Variants in IQSEC3 observed in about 807,000 individuals in gnomAD.
IQSEC3 encodes the protein IQ motif and Sec7 domain ArfGEF 3.
In IQSEC3, 50 loss-of-function variants were observed where a neutral mutation model predicts 105.4. That is an observed-to-expected ratio of 0.47 (90% confidence interval 0.38 to 0.60). The LOEUF (loss-of-function observed/expected upper bound fraction) is 0.60. IQSEC3 is among the 20% of genes least tolerant of loss of function. IQSEC3 has a pLI of 0.00. For synonymous variants in IQSEC3, 708 were observed against 746.0 expected, an observed-to-expected ratio of 0.95 and a Z score of 0.83; for missense variants, 1,415 against 1,630.0, an observed-to-expected ratio of 0.87 and a Z score of 2.27.
chr12:88,624 C>T (rs1555072651), intron 1 of IQSEC3, among the ~76,000 whole-genome samples: 3 of 152,190 alleles, frequency 2.0e-5, no homozygotes, highest in African/African-American at 4.8e-5. Context: ...TGGATACCAA[C>T]AGGCCAATGT....
intron 1 of IQSEC3, among the ~76,000 whole-genome samples, chr12:85,890 T>C (rs557927798): frequency 6.6e-6 from 1 of 152,322 alleles, no homozygotes; most frequent in Admixed American, 6.5e-5. Context: ...TCCAGGCATG[T>C]GCATGTTTCA....
chr12:92,730 T>C (rs1276368502), intron 1 of IQSEC3, among the ~76,000 whole-genome samples: 3 of 152,120 alleles, frequency 2.0e-5, no homozygotes, highest in African/African-American at 7.2e-5. Context: ...CACAATGAAA[T>C]AGGGATGCAG....
At position 125,771 on chromosome 12, in the gene IQSEC3, G is replaced by A; in HGVS notation, c.762G>A (p.Gly254=). 1.3e-6 allele frequency: 2 copies of A among 1,513,362 alleles called. No homozygotes were observed. Among genetic ancestry groups the A allele is most frequent in the Non-Finnish European group, 1.8e-6 (2 of 1,137,476 alleles). The allele number at this position is 1,513,362 out of a possible 1,614,324, so 93.7% of individuals were successfully genotyped here. The part of the protein sequence containing the change: ...QELQEEEERP[G]AGAASPRAGP... ...TGCAGGAGGAGGAGGAGCGGCCGGG[G>A]GCAGGGGCTGCCTCCCCAAGGGCTG... Residue 254 remains glycine (G), a synonymous_variant, in exon 3 of 14, where the codon GGG becomes GGA. Coordinates refer to ENST00000538872, the MANE Select transcript of IQSEC3 (RefSeq NM_001170738.2).
intron 13 of IQSEC3, among the ~76,000 whole-genome samples, chr12:172,601 G>C (rs943197446): frequency 7.2e-5 from 11 of 152,164 alleles, no homozygotes; most frequent in African/African-American, 2.7e-4. Flanking sequence ...GCCTCAGCTG[G>C]ACCCCAGGCT....
At chr12:99,398 C>T (rs563024384) in intron 2 of IQSEC3, among the ~76,000 whole-genome samples, 184 bp downstream of exon 2, 8 of 152,306 alleles carry the variant, frequency 5.3e-5, no homozygotes, top group East Asian at 1.9e-4. Context: ...CCAAATGAGC[C>T]GTTCCCAACT....
At chr12:170,817 C>A (rs972544075) in intron 12 of IQSEC3, among the ~76,000 whole-genome samples, 14 of 152,242 alleles carry the variant, frequency 9.2e-5, no homozygotes, top group African/African-American at 3.4e-4. Context: ...AGGCCCCCTC[C>A]AAGCCTTTTA....
intron 2 of IQSEC3, among the ~76,000 whole-genome samples, chr12:103,090 G>A (rs1009326819): frequency 6.6e-5 from 10 of 152,050 alleles, no homozygotes; most frequent in Non-Finnish European, 8.8e-5. Flanking sequence ...CCTACCGACC[G>A]CCTCCCTGCT....
rs1939243523 is a variant in IQSEC3 at position 176,568 on chromosome 12, G to C, written c.*1535G>C. ...CGCCTGCAGTAGCCGGGCCAGGTAG[G>C]AGGCAAGGATCATTCCCTGCTCCCA... On this transcript the variant is annotated 3_prime_UTR_variant, in exon 14 of 14. Transcript: ENST00000538872. The surrounding 1 kb of genome is among the most constrained non-coding windows in gnomAD (Gnocchi z 4.0). The C allele has an allele frequency of 6.6e-6, 1 of 152,240 alleles. No individual in the cohort carries two copies. The highest frequency in any genetic ancestry group is 2.1e-4 in the South Asian group (1 of 4,832). 9.4% of individuals were successfully genotyped at this position (152,240 alleles called of 1,614,324 possible). A position where few individuals can be genotyped will look rare whatever the true frequency, so the allele number is the denominator to read the frequency against.
At chr12:149,653 C>G (rs1866426628) in intron 5 of IQSEC3, among the ~76,000 whole-genome samples, 1 of 152,176 alleles carries the variant, frequency 6.6e-6, no homozygotes. Context: ...GTGGGGAAGA[C>G]AGGCAGGCAA....
chr12:161,628 G>T (rs1242539980), intron 7 of IQSEC3, among the ~76,000 whole-genome samples: 1 of 152,220 alleles, frequency 6.6e-6, no homozygotes, highest in Non-Finnish European at 1.5e-5. Context: ...GGAACATGGA[G>T]GCTGTATCTG....
At chr12:158,850 G>C (rs1425005503) in intron 7 of IQSEC3, among the ~76,000 whole-genome samples, 2 of 152,144 alleles carry the variant, frequency 1.3e-5, no homozygotes, top group Non-Finnish European at 2.9e-5. Flanking sequence ...GAACAGATGA[G>C]GTTTCACCAT....
intron 1 of IQSEC3, among the ~76,000 whole-genome samples, chr12:87,235 T>C (rs1863946653): frequency 6.6e-6 from 1 of 152,118 alleles, no homozygotes; most frequent in East Asian, 1.9e-4. Context: ...GCTGTCAAGC[T>C]GGGGATGGCT....
At chr12:74,087 A>G (rs1555068376) in intron 1 of IQSEC3, among the ~76,000 whole-genome samples, 1 of 152,218 alleles carries the variant, frequency 6.6e-6, no homozygotes, top group Non-Finnish European at 1.5e-5. Context: ...TTACAGTCTC[A>G]TCTAGGAGAA....
chr12:134,739 A>C (rs1434565672), intron 3 of IQSEC3, among the ~76,000 whole-genome samples: 1 of 151,030 alleles, frequency 6.6e-6, no homozygotes, highest in African/African-American at 2.4e-5. Context: ...TACTAAAAAA[A>C]ATACAAAAGT....
chr12:112,234 T>C (rs976230169), intron 2 of IQSEC3, among the ~76,000 whole-genome samples: 8 of 130,758 alleles, frequency 6.1e-5, no homozygotes, highest in African/African-American at 2.3e-4. Context: ...TGTAGGCTAG[T>C]AAACTTTCAT....
rs1301588046 is a variant in IQSEC3 at position 174,660 on chromosome 12, G to A, written c.3176G>A (p.Gly1059Glu). 1.9e-6 allele frequency: 3 copies of A among 1,588,752 alleles called. No homozygotes were observed. Among genetic ancestry groups the A allele is most frequent in the Non-Finnish European group, 2.6e-6 (3 of 1,174,632 alleles). ...QHNSGLGAER[G>E]APVPPPDLQP... ...AACTCCGGGCTGGGGGCCGAGAGGGGAGCGCCGGTGCCGCCGCCAGACCTG... is the reference window on the plus strand; with the variant it reads ...AACTCCGGGCTGGGGGCCGAGAGGGAAGCGCCGGTGCCGCCGCCAGACCTG... Residue 1059 changes from glycine to glutamate, a missense_variant, in exon 14 of 14, where the codon GGA (glycine) becomes GAA (glutamate). Around this residue, in one of 6 missense-constraint regions of IQSEC3, gnomAD observed 419 missense variants for 436.2 expected, o/e 0.96. Transcript: ENST00000538872.
At chr12:154,612 C>T (rs906483385) in intron 5 of IQSEC3, among the ~76,000 whole-genome samples, 8 of 152,142 alleles carry the variant, frequency 5.3e-5, no homozygotes, top group Middle Eastern at 3.2e-3. Context: ...TAAGAGTCAG[C>T]GCCCCTGGGC....
chr12:137,746 T>C (rs1865825732), intron 3 of IQSEC3: 1 of 153,080 alleles, frequency 6.5e-6, no homozygotes, highest in African/African-American at 2.4e-5. Flanking sequence ...TCCAACTCCT[T>C]GGGCTCAAGC....
At chr12:85,102 A>C (rs1357477366) in intron 1 of IQSEC3, among the ~76,000 whole-genome samples, 3 of 152,366 alleles carry the variant, frequency 2.0e-5, no homozygotes, top group African/African-American at 7.2e-5. Flanking sequence ...ATGTTCAGAA[A>C]GGTTTTTTAA....
Sources: gnomAD v4.1 joint callset for allele counts (sites outside exome capture counted in the v4.1 genomes callset) on GRCh38, gnomAD v4.1.1 for gene constraint, gnomAD v4.1.1 regional missense constraint, Gnocchi (gnomAD v3.1) non-coding constraint, MANE v1.5 for transcripts, NCBI Gene and HGNC (gene_info 2026-07-23, HGNC 2026-07-21) for gene names.